The following CELSR1 variants were observed in gnomAD, a reference collection of about 807,000 sequenced individuals.
CELSR1 encodes the protein adhesion G protein-coupled receptor C1.
A neutral mutation model predicts 249.1 loss-of-function variants in CELSR1; 110 were observed. That is an observed-to-expected ratio of 0.44 (90% CI 0.38 to 0.52). The LOEUF (loss-of-function observed/expected upper bound fraction) is 0.52. Ranked by LOEUF, CELSR1 falls within the 20% of genes least tolerant of loss-of-function variation. The probability of loss-of-function intolerance (pLI) is 0.00; values close to 1 mark genes in which losing one functional copy is unlikely to be tolerated. For synonymous variants in CELSR1, 2,113 were observed against 1,900.0 expected (o/e 1.11, Z -2.92); for missense variants, 4,109 against 4,296.4 (o/e 0.96, Z 1.22).
intron 14 of CELSR1, among the ~76,000 whole-genome samples, chr22:46,392,857 C>A (rs936415714): frequency 6.6e-6 from 1 of 152,168 alleles, no homozygotes; most frequent in African/African-American, 2.4e-5. Flanking sequence ...CCACGCCCTG[C>A]CTATAACTTT....
chr22:46,447,412 T>C lies in CELSR1; in HGVS notation c.4184-8001A>G, dbSNP rs757774165. On this transcript the variant is annotated intron_variant, in intron 2 of 34. Coordinates refer to ENST00000674500, the MANE Select transcript of CELSR1 (RefSeq NM_001378328.1). The surrounding 1 kb of genome is among the most constrained non-coding windows in gnomAD (Gnocchi z 4.7). The stretch of plus-strand genomic sequence containing the variant: ...TTGATGTTCTCCTTACACCCTAGGA[T>C]TCTGCTTGGAGTCAAAGGCTTGCTG... Among the ~76,000 whole-genome samples the C allele has an allele frequency of 1.2e-4, 18 of 152,162 alleles. No individual in the cohort carries two copies. The highest frequency in any genetic ancestry group is 1.6e-4 in the Non-Finnish European group (11 of 68,024).
intron 2 of CELSR1, among the ~76,000 whole-genome samples, chr22:46,453,037 C>A (rs2079904468): frequency 6.6e-6 from 1 of 151,686 alleles, no homozygotes; most frequent in Admixed American, 6.6e-5. Context: ...AGCCTGGCGC[C>A]CCACTGAGCA....
chr22:46,419,675 A>G (rs2079442548), intron 5 of CELSR1, among the ~76,000 whole-genome samples: 1 of 152,086 alleles, frequency 6.6e-6, no homozygotes, highest in African/African-American at 2.4e-5. Context: ...CTGAGCAAGC[A>G]AAAAAGCTTA....
intron 1 of CELSR1, among the ~76,000 whole-genome samples, chr22:46,522,653 A>G (rs929035525): frequency 2.0e-5 from 3 of 152,240 alleles, no homozygotes; most frequent in African/African-American, 7.2e-5. Context: ...AGAGCTTGAG[A>G]CATACATGGG....
rs1421910798 is a variant in CELSR1 at position 46,463,569 on chromosome 22, TGGAGCC to T, written c.4183+132_4183+137del. The stretch of plus-strand genomic sequence containing the variant: ...GTTACTGAGATCATCTCAAGGTTCG[TGGAGCC>T]CACACCTGGGCCCAGCGCCCATCCT... On this transcript the variant is annotated intron_variant, in intron 2 of 34. Transcript: ENST00000674500. 8.3e-6 allele frequency: 7 copies of T among 843,000 alleles called. No individual in the cohort carries two copies. In the East Asian group the frequency reaches 9.3e-5, roughly 11 times the overall value. The allele number at this position is 843,000 out of a possible 1,614,324, so 52.2% of individuals were successfully genotyped here.
chr22:46,495,689 G>A lies in CELSR1; in HGVS notation c.3545-31344C>T, dbSNP rs545832893. On this transcript the variant is annotated intron_variant, in intron 1 of 34. Coordinates refer to ENST00000674500, the MANE Select transcript of CELSR1 (RefSeq NM_001378328.1). ...TGTTTAGCCAGGCATGGTGGTGGGC[G>A]CCTATAGTCCCAGCTACTTGGAGGC... 1.1e-4 allele frequency among the ~76,000 whole-genome samples: 17 copies of A among 152,172 alleles called. No individual in the cohort carries two copies. In the South Asian group the frequency reaches 2.5e-3, roughly 22 times the overall value.
Position 46,369,761 on chromosome 22 carries a change from G to A in CELSR1, c.7803C>T (p.Asp2601=), listed in dbSNP as rs1465875881. 5.6e-6 allele frequency: 9 copies of A among 1,613,416 alleles called. No homozygotes were observed. Among genetic ancestry groups the A allele is most frequent in the South Asian group, 1.1e-5 (1 of 91,086 alleles). Residue 2601 remains aspartate, a synonymous_variant, in exon 26 of 35, where the codon GAC becomes GAT. Transcript: ENST00000674500. ...TGTCTTGAAGCGACAGCCAGCAGAA[G>A]TCGGGGTTCCCGTAGCCCTGGGGGT... ...GLDPQGYGNP[D]FCWLSLQDTL...
chr22:46,508,685 G>T (rs944519461), intron 1 of CELSR1, among the ~76,000 whole-genome samples: 2 of 152,136 alleles, frequency 1.3e-5, no homozygotes, highest in African/African-American at 4.8e-5. Flanking sequence ...CTTCCAAGGC[G>T]GTGTGAGTCT....
chr22:46,521,533 A>T (rs939188646), intron 1 of CELSR1, among the ~76,000 whole-genome samples: 12 of 150,180 alleles, frequency 8.0e-5, no homozygotes, highest in African/African-American at 2.5e-4. Context: ...GTTTTCAGTC[A>T]GGCCGGACAC....
At chr22:46,530,468 T>G (rs1250717650) in intron 1 of CELSR1, 1 of 152,042 alleles carries the variant, frequency 6.6e-6, no homozygotes, top group East Asian at 1.9e-4. Flanking sequence ...ATTCAAGGCT[T>G]GAGTTGTCCA....
chr22:46,425,197 G>A (rs1055897686), intron 5 of CELSR1, among the ~76,000 whole-genome samples: 4 of 152,186 alleles, frequency 2.6e-5, no homozygotes, highest in African/African-American at 9.7e-5. Flanking sequence ...TGTACCACTT[G>A]TGTGCAGGTT....
Position 46,410,084 on chromosome 22 carries a change from G to A in CELSR1, c.4934-204C>T, listed in dbSNP as rs376466448. Among the ~76,000 whole-genome samples the A allele has an allele frequency of 2.3e-4, 35 of 152,314 alleles. No homozygotes were observed. Among genetic ancestry groups the A allele is most frequent in the South Asian group, 1.5e-3 (7 of 4,824 alleles). On this transcript the variant is annotated intron_variant, in intron 7 of 34. Coordinates refer to ENST00000674500, the MANE Select transcript of CELSR1 (RefSeq NM_001378328.1). This position sits in a 1 kb window ranked among gnomAD's most constrained non-coding sequence, Gnocchi z 6.8. ...TGACCACATTTGGAGACGCTGGGAC[G>A]CCAGGCCATCACGGCAGCCGGCCCG...
chr22:46,397,729 G>T lies in CELSR1; in HGVS notation c.5646C>A (p.Pro1882=). Residue 1882 remains proline (P), a synonymous_variant, in exon 12 of 35, where the codon CCC becomes CCA. Transcript: ENST00000674500. ...VDDPCTSSPC[P]PNSRCHDAWE... is the part of the protein sequence containing the mutation. Reference sequence around the variant, plus strand: ...AGGCGTCGTGGCAGCGGCTATTGGGGGGACAGGGGCTCGAGGTACAGGGGT... The same window carrying T: ...AGGCGTCGTGGCAGCGGCTATTGGGTGGACAGGGGCTCGAGGTACAGGGGT... The T allele has an allele frequency of 6.3e-7, 1 of 1,589,400 alleles. No homozygotes were observed. The highest frequency in any genetic ancestry group is 8.6e-7 in the Non-Finnish European group (1 of 1,166,742).
intron 1 of CELSR1, among the ~76,000 whole-genome samples, chr22:46,510,160 C>T: frequency 6.6e-6 from 1 of 152,212 alleles, no homozygotes; most frequent in Admixed American, 6.5e-5. Flanking sequence ...TGTCTCTCAC[C>T]CATTTAGGTG....
intron 1 of CELSR1, among the ~76,000 whole-genome samples, chr22:46,531,050 A>T (rs2147815467): frequency 6.6e-6 from 1 of 152,304 alleles, no homozygotes; most frequent in East Asian, 1.9e-4. Context: ...AGATAATTCA[A>T]GGGCTGATCT....
At chr22:46,482,886 T>G (rs903854378) in intron 1 of CELSR1, among the ~76,000 whole-genome samples, 8 of 152,108 alleles carry the variant, frequency 5.3e-5, no homozygotes, top group Non-Finnish European at 1.2e-4. Context: ...AAGGGAGTGC[T>G]GGCATGGAGC....
intron 1 of CELSR1, among the ~76,000 whole-genome samples, chr22:46,475,368 A>G (rs2080197737): frequency 6.6e-6 from 1 of 152,208 alleles, no homozygotes; most frequent in Non-Finnish European, 1.5e-5. Context: ...GAGGCCGGTC[A>G]CAAAAGGACA....
In CELSR1 at chr22:46,362,005, T is replaced by A. The variant is rs1208357886; in HGVS notation, c.*1218A>T. On this transcript the variant is annotated 3_prime_UTR_variant, in exon 35 of 35. Coordinates refer to ENST00000674500, the MANE Select transcript of CELSR1 (RefSeq NM_001378328.1). ...TTTGTCCCTCTGCACAATTGGCCATTTGAAGCAAAATGAAGTAATTGGTCA... is the reference window on the plus strand; with the variant it reads ...TTTGTCCCTCTGCACAATTGGCCATATGAAGCAAAATGAAGTAATTGGTCA... 6.6e-6 allele frequency: 1 copy of A among 152,146 alleles called. No individual in the cohort carries two copies. The highest frequency in any genetic ancestry group is 1.5e-5 in the Non-Finnish European group (1 of 68,014). 9.4% of individuals were successfully genotyped at this position (152,146 alleles called of 1,614,324 possible). A position where few individuals can be genotyped will look rare whatever the true frequency, so the allele number is the denominator to read the frequency against.
chr22:46,493,122 C>T (rs2080383021), intron 1 of CELSR1, among the ~76,000 whole-genome samples: 1 of 151,238 alleles, frequency 6.6e-6, no homozygotes, highest in African/African-American at 2.4e-5. Flanking sequence ...TGGTGGCTCA[C>T]ACTTGTGGTC....
Sources: gnomAD v4.1 joint callset for allele counts (sites outside exome capture counted in the v4.1 genomes callset) on GRCh38, gnomAD v4.1.1 for gene constraint, Gnocchi (gnomAD v3.1) non-coding constraint, MANE v1.5 for transcripts, NCBI Gene and HGNC (gene_info 2026-07-23, HGNC 2026-07-21) for gene names.